The following IDO2 variants were observed in gnomAD, a reference collection of about 807,000 sequenced individuals.
IDO2 encodes indoleamine 2,3-dioxygenase 2, also known as indoleamine 2,3-dioxygenase-like 1 protein.
Under a neutral mutation model 45.1 loss-of-function variants are expected in IDO2, and 46 were observed. The observed-to-expected ratio is 1.02, with a 90% confidence interval of 0.80 to 1.30. The LOEUF (loss-of-function observed/expected upper bound fraction) is 1.30, where lower values mean the gene tolerates loss of function less well. IDO2 is among the 50% of genes most tolerant of loss of function. The pLI is 0.00. For synonymous variants in IDO2, 218 were observed against 184.9 expected, an observed-to-expected ratio of 1.18 and a Z score of -1.45; for missense variants, 544 against 491.8, an observed-to-expected ratio of 1.11 and a Z score of -1.00.
At chr8:39,998,638 C>CTTTTTTTTTTTTTT (rs35313305) in intron 8 of IDO2, 3 of 116,026 alleles carry the variant, frequency 2.6e-5, no homozygotes, top group African/African-American at 3.4e-5. Flanking sequence ...TTTTCTTCTT[C>CTTTTTTTTTTTTTT]TTTTTTTTTT....
At chr8:40,015,756 C>T in exon 11 of IDO2, 1 of 620,130 alleles carries the variant, frequency 1.6e-6, no homozygotes, top group Non-Finnish European at 2.8e-6. Context: ...TTGTTGAGAG[C>T]TGTTGGCTTC....
intron 1 of IDO2, among the ~76,000 whole-genome samples, chr8:39,941,106 C>T (rs1807635864): frequency 6.6e-6 from 1 of 150,458 alleles, no homozygotes; most frequent in East Asian, 2.0e-4. Context: ...CCCGTAATCC[C>T]AGCTACTCAG....
Position 39,987,780 on chromosome 8 carries a change from G to C in IDO2, c.450-91G>C, listed in dbSNP as rs1202470296. On this transcript the variant is annotated intron_variant, in intron 6 of 10. Coordinates refer to ENST00000502986, the Ensembl canonical transcript of IDO2. Reference sequence around the variant, plus strand: ...GAAAGTTGTGCAGTGATTCCACCCTGCAGTTATCTAACTCGGCAGGGAACT... The same window carrying C: ...GAAAGTTGTGCAGTGATTCCACCCTCCAGTTATCTAACTCGGCAGGGAACT... The C allele has an allele frequency of 9.7e-6, 7 of 723,390 alleles. No individual in the cohort carries two copies. The African/African-American group carries it at 1.2e-4, about 13-fold the overall frequency. 44.8% of individuals were successfully genotyped at this position (723,390 alleles called of 1,614,324 possible). A position where few individuals can be genotyped will look rare whatever the true frequency, so the allele number is the denominator to read the frequency against.
At chr8:39,949,916 AC>A (rs1807788619) in intron 2 of IDO2, among the ~76,000 whole-genome samples, 1 of 152,140 alleles carries the variant, frequency 6.6e-6, no homozygotes, top group Admixed American at 6.5e-5. Context: ...AACAAACAAT[AC>A]CTCTTTCTTA....
chr8:40,000,649 G>A (rs1169564630), intron 8 of IDO2, among the ~76,000 whole-genome samples: 1 of 152,100 alleles, frequency 6.6e-6, no homozygotes, highest in South Asian at 2.1e-4. Flanking sequence ...CTGTTTGTTT[G>A]TTTTGCTATG....
intron 8 of IDO2, among the ~76,000 whole-genome samples, chr8:40,001,170 T>TTC (rs140987115): frequency 3.9e-4 from 58 of 149,722 alleles, no homozygotes; most frequent in South Asian, 6.3e-4. Context: ...AATCTCTTCT[T>TTC]TCTCTCTCTC....
At chr8:39,977,378 G>C (rs1157977610) in intron 3 of IDO2, among the ~76,000 whole-genome samples, 1 of 152,204 alleles carries the variant, frequency 6.6e-6, no homozygotes, top group South Asian at 2.1e-4. Context: ...TGCTCACCTG[G>C]TTCTTGTTAA....
In IDO2 at chr8:39,960,942, C is replaced by G. The variant is rs185810680; in HGVS notation, c.100-2666C>G. On this transcript the variant is annotated intron_variant, in intron 2 of 10. Transcript: ENST00000502986. ...GGACTACAGGTGCCCGCCAACACGC[C>G]CAGCTAATTTTTTTGTATTTTTAGT... Among the ~76,000 whole-genome samples the G allele has an allele frequency of 8.1e-5, 12 of 148,740 alleles. No homozygotes were observed. In the East Asian group the frequency reaches 2.5e-3, roughly 31 times the overall value.
At chr8:39,965,591 G>A (rs1478880129) in intron 3 of IDO2, among the ~76,000 whole-genome samples, 2 of 152,178 alleles carry the variant, frequency 1.3e-5, no homozygotes, top group Non-Finnish European at 2.9e-5. Context: ...CATAATCTGT[G>A]AAAGTGGTCT....
chr8:39,999,276 C>CTTTTTTTTTT (rs35720120), intron 8 of IDO2, among the ~76,000 whole-genome samples: 13 of 78,418 alleles, frequency 1.7e-4, no homozygotes, highest in African/African-American at 2.5e-4. Flanking sequence ...TCTGCTGCTG[C>CTTTTTTTTTT]TTTTTTTTTT....
At chr8:39,946,867 G>A (rs1194681558) in intron 1 of IDO2, among the ~76,000 whole-genome samples, 1 of 151,566 alleles carries the variant, frequency 6.6e-6, no homozygotes, top group East Asian at 2.0e-4. Context: ...TGTTTGGTAG[G>A]AGAGGGTTGA....
intron 1 of IDO2, among the ~76,000 whole-genome samples, chr8:39,948,731 T>C (rs1163809130): frequency 6.6e-6 from 1 of 152,216 alleles, no homozygotes; most frequent in African/African-American, 2.4e-5. Flanking sequence ...ACAATTTTGA[T>C]AGTTTACTCC....
At chr8:39,986,958 T>A (rs1563435722) in intron 6 of IDO2, 1 of 151,916 alleles carries the variant, frequency 6.6e-6, no homozygotes, top group Admixed American at 6.6e-5. Flanking sequence ...CTCTGCAACC[T>A]CTTGCCTCAG....
chr8:39,966,271 C>T (rs1808084534), intron 3 of IDO2, among the ~76,000 whole-genome samples: 1 of 152,224 alleles, frequency 6.6e-6, no homozygotes, highest in South Asian at 2.1e-4. Context: ...TTGTGATCCA[C>T]CAGCCTCAGC....
chr8:39,949,884 A>G (rs1330180878), intron 2 of IDO2, among the ~76,000 whole-genome samples: 2 of 152,216 alleles, frequency 1.3e-5, no homozygotes, highest in Non-Finnish European at 2.9e-5. Flanking sequence ...GCAATTTCTG[A>G]GAAGGGGAAG....
intron 4 of IDO2, among the ~76,000 whole-genome samples, chr8:39,979,701 AAG>A (rs1239389970): frequency 1.3e-5 from 2 of 152,146 alleles, no homozygotes; most frequent in Non-Finnish European, 2.9e-5. Flanking sequence ...TTTTCTGACT[AAG>A]AGCTAATTTG....
At chr8:39,987,731 C>A in intron 6 of IDO2, 140 bp from the exon 7 acceptor site, 1 of 587,880 alleles carries the variant, frequency 1.7e-6, no homozygotes, top group Admixed American at 2.9e-5. Context: ...GATGCCCATC[C>A]TCAGGGCTGT....
At chr8:39,954,262 T>A (rs145254683) in intron 2 of IDO2, among the ~76,000 whole-genome samples, 1 of 152,334 alleles carries the variant, frequency 6.6e-6, no homozygotes, top group East Asian at 1.9e-4. Context: ...GCAGATGCTC[T>A]GAGTTTAATG....
chr8:39,978,950 T>C (rs767429394), intron 3 of IDO2, 117 bp from the exon 4 acceptor site: 5 of 921,198 alleles, frequency 5.4e-6, no homozygotes, highest in Non-Finnish European at 8.3e-6. Flanking sequence ...TTCATTAAAA[T>C]ATAACCCATT....
Sources: gnomAD v4.1 joint callset for allele counts (sites outside exome capture counted in the v4.1 genomes callset) on GRCh38, gnomAD v4.1.1 for gene constraint, MANE v1.5 for transcripts, NCBI Gene and HGNC (gene_info 2026-07-23, HGNC 2026-07-21) for gene names.